The following NQO2 variants were observed in gnomAD, a reference collection of about 807,000 sequenced individuals.
NQO2 encodes the protein N-ribosyldihydronicotinamide:quinone dehydrogenase 2.
NQO2 carries 18 observed loss-of-function variants against 22.0 expected under a neutral mutation model. That is an observed-to-expected ratio of 0.82 (90% confidence interval 0.56 to 1.21). The LOEUF (loss-of-function observed/expected upper bound fraction) is 1.21, where lower values mean the gene tolerates loss of function less well. NQO2 is among the 50% of genes most tolerant of loss of function. The pLI, the probability that NQO2 is intolerant of heterozygous loss-of-function variation, is 0.00. For synonymous variants in NQO2, 106 were observed against 110.8 expected, an observed-to-expected ratio of 0.96 and a Z score of 0.28; for missense variants, 267 against 286.9, an observed-to-expected ratio of 0.93 and a Z score of 0.50.
rs1261363819 is a variant in NQO2, at chr6:3,000,038, G to A, written c.-133G>A. ...CTCCTAGAGCGGTCCTTGGGGAGACGCGGGTCCCAGTCCTGCGGCTCCTAC... is the reference window on the plus strand; with the variant it reads ...CTCCTAGAGCGGTCCTTGGGGAGACACGGGTCCCAGTCCTGCGGCTCCTAC... On this transcript the variant is annotated 5_prime_UTR_variant, in exon 1 of 7. Coordinates refer to ENST00000380455, the MANE Select transcript of NQO2 (RefSeq NM_000904.6). The A allele has an allele frequency of 6.6e-6, 1 of 152,370 alleles. No homozygotes were observed. The highest frequency in any genetic ancestry group is 1.5e-5 in the Non-Finnish European group (1 of 68,178). The allele number at this position is 152,370 out of a possible 1,614,324, so 9.4% of individuals were successfully genotyped here. A position where few individuals can be genotyped will look rare whatever the true frequency, so the allele number is the denominator to read the frequency against.
At chr6:3,016,335 G>A (rs1443927084) in intron 5 of NQO2, among the ~76,000 whole-genome samples, 1 of 151,344 alleles carries the variant, frequency 6.6e-6, no homozygotes, top group Non-Finnish European at 1.5e-5. Flanking sequence ...GGAGGCCGAG[G>A]CAGGAGACTG....
At chr6:3,015,370 CA>C in intron 4 of NQO2, 159 bp from the exon 5 acceptor site, 1 of 985,446 alleles carries the variant, frequency 1.0e-6, no homozygotes, top group Non-Finnish European at 1.2e-6. Context: ...CTGACACCCA[CA>C]CTGCACCTTT....
intron 5 of NQO2, among the ~76,000 whole-genome samples, chr6:3,016,560 C>T (rs56225622): frequency 0.056 from 8,498 of 152,112 alleles, 376 homozygotes; most frequent in African/African-American, 0.12. Flanking sequence ...ACTTACTGAG[C>T]AGCCCTGTGT....
chr6:3,003,282 A>G (rs571142544), intron 1 of NQO2, among the ~76,000 whole-genome samples: 1 of 152,150 alleles, frequency 6.6e-6, no homozygotes, highest in East Asian at 1.9e-4. Context: ...CTCAGGGAGC[A>G]TGGATCCTGT....
Position 3,015,590 on chromosome 6 carries a change from T to C in NQO2, c.364T>C (p.Cys122Arg). 6.2e-7 allele frequency: 1 copy of C among 1,614,196 alleles called. No homozygotes were observed. The highest frequency in any genetic ancestry group is 8.5e-7 in the Non-Finnish European group (1 of 1,180,036). ...ILKGWMDRVL[C>R]QGFAFDIPGF... ...GAAGGGCTGGATGGATAGGGTGCTGTGCCAGGGCTTTGCCTTTGACATCCC... is the reference window on the plus strand; with the variant it reads ...GAAGGGCTGGATGGATAGGGTGCTGCGCCAGGGCTTTGCCTTTGACATCCC... Residue 122 changes from cysteine to arginine, a missense_variant, in exon 5 of 7, where the codon TGC becomes CGC. Physicochemically the swap from Cys to Arg is radical, Grantham distance 180. Coordinates refer to ENST00000380455, the MANE Select transcript of NQO2 (RefSeq NM_000904.6).
rs28383627 is a variant in NQO2 at position 3,013,008 on chromosome 6, T to G, written c.303+334T>G. Among the ~76,000 whole-genome samples the G allele has an allele frequency of 2.4e-3, 307 of 128,122 alleles. 6 individuals carry two copies. In the South Asian group the frequency reaches 0.029, roughly 12 times the overall value. 84.1% of individuals were successfully genotyped at this position (128,122 alleles called of 152,430 possible). On this transcript the variant is annotated intron_variant, in intron 4 of 6. Coordinates refer to ENST00000380455, the MANE Select transcript of NQO2 (RefSeq NM_000904.6). ...TCTCGCTCTGTCGCCCAGGCTGGAG[T>G]GCAGTGGCGGGATCTCGGCTCACTG...
chr6:3,003,325 A>AC (rs1303041607), intron 1 of NQO2, among the ~76,000 whole-genome samples: 4 of 150,890 alleles, frequency 2.7e-5, no homozygotes, highest in Non-Finnish European at 1.5e-5. Context: ...TTGAGGAGTG[A>AC]CCCCCAGGAA....
intron 1 of NQO2, chr6:3,003,658 T>G (rs1350198018): frequency 3.1e-6 from 2 of 654,144 alleles, no homozygotes; most frequent in African/African-American, 2.1e-5. Context: ...CTTTCCTTCC[T>G]CACTGCCCAG....
chr6:3,009,936 C>T, intron 2 of NQO2, 89 bp from the exon 3 acceptor site: 2 of 1,506,738 alleles, frequency 1.3e-6, no homozygotes, highest in Non-Finnish European at 8.9e-7. Context: ...CTATGATGCA[C>T]CTGAACATTC....
At position 3,008,288 on chromosome 6, in the gene NQO2, G is replaced by T. The variant is rs148749365; in HGVS notation, c.7+1729G>T. Reference sequence around the variant, plus strand: ...CAAAAAATTATCCGGGCGTGGTGGCGCATGCCTGTAATCCCAGCTACTCAG... The same window carrying T: ...CAAAAAATTATCCGGGCGTGGTGGCTCATGCCTGTAATCCCAGCTACTCAG... On this transcript the variant is annotated intron_variant, in intron 2 of 6. Coordinates refer to ENST00000380455, the MANE Select transcript of NQO2 (RefSeq NM_000904.6). 2.5e-3 allele frequency among the ~76,000 whole-genome samples: 381 copies of T among 151,896 alleles called. 1 individual carries two copies. The highest frequency in any genetic ancestry group is 8.7e-3 in the African/African-American group (361 of 41,402).
At chr6:3,001,004 G>C (rs561680738) in intron 1 of NQO2, among the ~76,000 whole-genome samples, 55 of 151,236 alleles carry the variant, frequency 3.6e-4, no homozygotes, top group Admixed American at 9.2e-4. Context: ...CACCATGCCC[G>C]GCTAATTTTT....
At chr6:3,001,180 C>T (rs1756697815) in intron 1 of NQO2, among the ~76,000 whole-genome samples, 1 of 151,218 alleles carries the variant, frequency 6.6e-6, no homozygotes, top group Non-Finnish European at 1.5e-5. Context: ...ACCTCTGCCT[C>T]CCGGGTTCAA....
chr6:3,017,328 G>C (rs563273402), intron 6 of NQO2, among the ~76,000 whole-genome samples: 3 of 152,208 alleles, frequency 2.0e-5, no homozygotes, highest in African/African-American at 7.2e-5. Flanking sequence ...GTGGCCCTGC[G>C]TGTGTTGTGA....
At position 3,016,953 on chromosome 6, in the gene NQO2, G is replaced by T. The variant is rs762991976; in HGVS notation, c.487G>T (p.Gly163Ter). Residue 163 changes from glycine (G) to a stop codon, truncating the protein, a stop_gained, in exon 6 of 7, where the codon GGA (glycine) becomes TGA (stop). Transcript: ENST00000380455. LOFTEE classifies it low-confidence loss of function (END_TRUNC). ...GATGTACACGAAGACAGGAGTCAAT[G>T]GAGATTCTCGATACTTCCTGTGGCC... Reference protein sequence around the residue: ...AEMYTKTGVNGDSRYFLWPLQ... With the variant: ...AEMYTKTGVN The T allele has an allele frequency of 1.2e-6, 2 of 1,614,070 alleles. No homozygotes were observed. Among genetic ancestry groups the T allele is most frequent in the African/African-American group, 2.7e-5 (2 of 75,038 alleles).
rs541817269 is a variant in NQO2, at chr6:3,006,607, G to A, written c.7+48G>A. ...TAAGACTTTTTTTTTTTTGAGATGG[G>A]ATTTTGTTGTATTGCCCAGGCTGGT... On this transcript the variant is annotated intron_variant, in intron 2 of 6. Coordinates refer to ENST00000380455, the MANE Select transcript of NQO2 (RefSeq NM_000904.6). The surrounding 1 kb of genome is among the most constrained non-coding windows in gnomAD (Gnocchi z 4.0). 2.3e-4 allele frequency: 360 copies of A among 1,543,546 alleles called. 3 individuals are homozygous for A. In the East Asian group the frequency reaches 6.0e-3, roughly 26 times the overall value.
At chr6:3,016,311 G>T (rs541970172) in intron 5 of NQO2, among the ~76,000 whole-genome samples, 6 of 151,456 alleles carry the variant, frequency 4.0e-5, no homozygotes, top group South Asian at 2.1e-4. Flanking sequence ...GGCGCCTGTA[G>T]TCCCAGCTAC....
At chr6:3,014,344 A>T (rs933447042) in intron 4 of NQO2, among the ~76,000 whole-genome samples, 1 of 152,148 alleles carries the variant, frequency 6.6e-6, no homozygotes, top group Non-Finnish European at 1.5e-5. Context: ...GTGGACTCAT[A>T]GTCCTCAGGC....
intron 6 of NQO2, 83 bp downstream of exon 6, chr6:3,017,068 ACG>A (rs148589567): frequency 0.032 from 45,944 of 1,449,106 alleles, 569 homozygotes; most frequent in African/African-American, 0.061. Context: ...ACACACACAC[ACG>A]CACACACATA....
At chr6:3,011,903 A>C (rs1757148029) in intron 3 of NQO2, among the ~76,000 whole-genome samples, 1 of 152,254 alleles carries the variant, frequency 6.6e-6, no homozygotes, top group African/African-American at 2.4e-5. Context: ...CACCACCACC[A>C]GACCCACCTT....
Sources: gnomAD v4.1 joint callset for allele counts (sites outside exome capture counted in the v4.1 genomes callset) on GRCh38, gnomAD v4.1.1 for gene constraint, Gnocchi (gnomAD v3.1) non-coding constraint, MANE v1.5 for transcripts, NCBI Gene and HGNC (gene_info 2026-07-23, HGNC 2026-07-21) for gene names.